The following TMTC4 variants were observed in gnomAD, a reference collection of about 807,000 sequenced individuals.
TMTC4 encodes protein O-mannosyl-transferase TMTC4.
Under a neutral mutation model 86.0 loss-of-function variants are expected in TMTC4, and 65 were observed. The observed-to-expected ratio is 0.76, with a 90% CI of 0.62 to 0.93. The LOEUF is 0.93. Ranked by LOEUF, TMTC4 falls within the 40% of genes least tolerant of loss-of-function variation. The pLI, the probability that TMTC4 is intolerant of heterozygous loss-of-function variation, is 0.00. For synonymous variants in TMTC4, 379 were observed against 382.5 expected (o/e 0.99, Z 0.11); for missense variants, 866 against 948.1 (o/e 0.91, Z 1.14).
At chr13:100,618,454 G>GTT (rs1170750860) in intron 15 of TMTC4, among the ~76,000 whole-genome samples, 4 of 129,770 alleles carry the variant, frequency 3.1e-5, no homozygotes, top group African/African-American at 1.2e-4. Flanking sequence ...GTTGCTTCTT[G>GTT]TTTTTTTTTT....
At chr13:100,639,097 G>A (rs1231185618) in intron 7 of TMTC4, among the ~76,000 whole-genome samples, 1 of 152,178 alleles carries the variant, frequency 6.6e-6, no homozygotes, top group Admixed American at 6.5e-5. Flanking sequence ...AAAGCAGTCT[G>A]CACATACTCA....
chr13:100,626,231 G>A, intron 12 of TMTC4, 81 bp from the exon 13 acceptor site: 1 of 1,427,976 alleles, frequency 7.0e-7, no homozygotes, highest in Non-Finnish European at 9.9e-7. Flanking sequence ...TCTAACTGAA[G>A]ACAAAAGGTA....
chr13:100,609,535 T>C (rs1471310928), intron 17 of TMTC4, among the ~76,000 whole-genome samples: 1 of 152,158 alleles, frequency 6.6e-6, no homozygotes, highest in Non-Finnish European at 1.5e-5. Context: ...ATTTAAGCAC[T>C]GAAAAACATT....
Position 100,671,118 on chromosome 13 carries a change from G to A in TMTC4, c.-207-549C>T, listed in dbSNP as rs73570784. On this transcript the variant is annotated intron_variant, in intron 1 of 18. Transcript: ENST00000342624. ...TGAGCTGACAAAAGGTCATGTAACC[G>A]GTTTTGACGTTATCTGTTTTATTGT... Among the ~76,000 whole-genome samples the A allele has an allele frequency of 5.6e-3, 848 of 152,256 alleles. 8 individuals carry two copies. The highest frequency in any genetic ancestry group is 0.02 in the African/African-American group (813 of 41,538).
chr13:100,659,567 C>T (rs1049525693), intron 5 of TMTC4, among the ~76,000 whole-genome samples: 1 of 152,054 alleles, frequency 6.6e-6, no homozygotes, highest in Non-Finnish European at 1.5e-5. Flanking sequence ...CAGGGAAGCG[C>T]TGGGGTCCTC....
At chr13:100,662,689 ACAC>A (rs1885923542) in intron 5 of TMTC4, among the ~76,000 whole-genome samples, 1 of 152,182 alleles carries the variant, frequency 6.6e-6, no homozygotes, top group Admixed American at 6.5e-5. Flanking sequence ...ACCAGAGATC[ACAC>A]CACACCTTAT....
intron 3 of TMTC4, among the ~76,000 whole-genome samples, chr13:100,665,789 TG>T (rs1365203413): frequency 2.0e-5 from 3 of 152,258 alleles, no homozygotes; most frequent in East Asian, 3.9e-4. Context: ...TGAAAAGAGG[TG>T]ACAGATGCAA....
chr13:100,660,657 A>ATT (rs35020533), intron 5 of TMTC4, among the ~76,000 whole-genome samples: 19,143 of 139,940 alleles, frequency 0.14, 1,447 homozygotes, highest in Admixed American at 0.2. Context: ...TTAAAGCTGG[A>ATT]TTTTTTTTTT....
intron 15 of TMTC4, among the ~76,000 whole-genome samples, chr13:100,620,078 C>G (rs942247148): frequency 6.6e-6 from 1 of 152,292 alleles, no homozygotes; most frequent in South Asian, 2.1e-4. Context: ...TTCAGGGAAG[C>G]AGAAAAAGTG....
At chr13:100,649,255 A>G (rs990875272) in intron 6 of TMTC4, among the ~76,000 whole-genome samples, 2 of 152,200 alleles carry the variant, frequency 1.3e-5, no homozygotes, top group Admixed American at 6.5e-5. Context: ...GAGTGTTTAG[A>G]TGGCCCAGAC....
At chr13:100,646,544 G>A (rs1226154826) in intron 6 of TMTC4, among the ~76,000 whole-genome samples, 4 of 152,162 alleles carry the variant, frequency 2.6e-5, no homozygotes, top group Non-Finnish European at 5.9e-5. Flanking sequence ...ACCACAGCCC[G>A]TTTCATTAAA....
At chr13:100,647,018 A>T (rs140087153) in intron 6 of TMTC4, among the ~76,000 whole-genome samples, 6 of 152,208 alleles carry the variant, frequency 3.9e-5, no homozygotes, top group Non-Finnish European at 8.8e-5. Flanking sequence ...CACAAGCTTT[A>T]GCGAGAGAGC....
chr13:100,627,463 C>A (rs1239258685), intron 12 of TMTC4, among the ~76,000 whole-genome samples: 1 of 152,120 alleles, frequency 6.6e-6, no homozygotes, highest in African/African-American at 2.4e-5. Context: ...CTGCTCCCTG[C>A]CTCTCTCCTG....
At chr13:100,632,292 A>C (rs928896206) in intron 12 of TMTC4, among the ~76,000 whole-genome samples, 7 of 152,174 alleles carry the variant, frequency 4.6e-5, no homozygotes, top group African/African-American at 1.4e-4. Flanking sequence ...AACCTAGATA[A>C]TGTCAGTTTA....
In TMTC4 at chr13:100,606,599, T is replaced by C. The variant is rs1011126553; in HGVS notation, c.2065-172A>G. 3.3e-5 allele frequency among the ~76,000 whole-genome samples: 5 copies of C among 152,292 alleles called. 1 individual carries two copies. Among genetic ancestry groups the C allele is most frequent in the Admixed American group, 2.6e-4 (4 of 15,296 alleles). ...GGGCCACGCTCTGCCAAAGAGAGGC[T>C]GACAAGGAGCAGTGGGAGGGAGTGG... On this transcript the variant is annotated intron_variant, in intron 17 of 18. Transcript: ENST00000342624.
chr13:100,660,284 T>C (rs140009169), intron 5 of TMTC4, among the ~76,000 whole-genome samples: 120 of 149,646 alleles, frequency 8.0e-4, no homozygotes, highest in Admixed American at 1.9e-3. Flanking sequence ...TGAGCCAAGA[T>C]TGTGCCACCG....
chr13:100,609,453 A>G (rs1877198624), intron 17 of TMTC4, among the ~76,000 whole-genome samples: 1 of 152,184 alleles, frequency 6.6e-6, no homozygotes, highest in Non-Finnish European at 1.5e-5. Context: ...CTCTATCAAC[A>G]TAACCTGCAC....
intron 16 of TMTC4, among the ~76,000 whole-genome samples, chr13:100,614,023 C>G (rs745380021): frequency 6.6e-6 from 1 of 151,042 alleles, no homozygotes; most frequent in South Asian, 2.1e-4. Context: ...ATTTTTAGTA[C>G]GGACAGGGTT....
chr13:100,648,977 C>CT (rs1186627521), intron 6 of TMTC4, among the ~76,000 whole-genome samples: 1 of 152,244 alleles, frequency 6.6e-6, no homozygotes, highest in Non-Finnish European at 1.5e-5. Flanking sequence ...GTGTGAGCCA[C>CT]TGTGCCCAGC....
Sources: allele counts gnomAD v4.1 joint callset (sites outside exome capture counted in the v4.1 genomes callset), GRCh38; gene constraint gnomAD v4.1.1; transcripts MANE v1.5; gene names NCBI Gene and HGNC (gene_info 2026-07-23, HGNC 2026-07-21).